Variants in ZNF700 observed in about 807,000 individuals in gnomAD.
The protein encoded by ZNF700 is zinc finger protein 700.
In ZNF700, 38 loss-of-function variants were observed where a neutral mutation model predicts 65.3. The observed-to-expected ratio is 0.58, with a 90% CI of 0.45 to 0.76. ZNF700 has a LOEUF of 0.76. Among genes scored for constraint, ZNF700 ranks in the 30% least tolerant of loss-of-function variants. The probability of loss-of-function intolerance (pLI) is 0.00; values close to 1 mark genes in which losing one functional copy is unlikely to be tolerated. For synonymous variants in ZNF700, 285 were observed against 290.4 expected (o/e 0.98, Z 0.19); for missense variants, 857 against 888.4 (o/e 0.96, Z 0.45).
chr19:11,927,110 T>C (rs1041432196), intron 1 of ZNF700, among the ~76,000 whole-genome samples: 17 of 152,270 alleles, frequency 1.1e-4, no homozygotes, highest in Middle Eastern at 6.8e-3. Flanking sequence ...CCAAGCACTT[T>C]GGGAGGCCAA....
chr19:11,946,572 T>C (rs1349847190), intron 1 of ZNF700, among the ~76,000 whole-genome samples: 1 of 152,184 alleles, frequency 6.6e-6, no homozygotes, highest in Non-Finnish European at 1.5e-5. Flanking sequence ...GGAACTTGTC[T>C]GGATACCCTG....
At chr19:11,941,929 T>C (rs1972891615) in intron 1 of ZNF700, among the ~76,000 whole-genome samples, 2 of 152,192 alleles carry the variant, frequency 1.3e-5, no homozygotes, top group South Asian at 2.1e-4. Flanking sequence ...GCTGCATTGC[T>C]CATTACTGCC....
chr19:11,946,024 A>AG (rs1972953815), intron 1 of ZNF700, among the ~76,000 whole-genome samples: 1 of 152,154 alleles, frequency 6.6e-6, no homozygotes, highest in Non-Finnish European at 1.5e-5. Flanking sequence ...AGTATCGACA[A>AG]GAAACTCTAT....
chr19:11,937,022 C>G (rs571912888), intron 1 of ZNF700, among the ~76,000 whole-genome samples: 37 of 152,232 alleles, frequency 2.4e-4, no homozygotes, highest in Admixed American at 1.3e-4. Context: ...ATTTCTGAGG[C>G]CTCTGTTATG....
At chr19:11,925,418 C>A (rs1171266712) in intron 1 of ZNF700, 145 bp downstream of exon 1, 8 of 1,345,778 alleles carry the variant, frequency 5.9e-6, no homozygotes, top group Non-Finnish European at 3.0e-6. Flanking sequence ...GCCCTCGGTC[C>A]CCTTGGCCGC....
At position 11,949,840 on chromosome 19, in the gene ZNF700, A is replaced by C. The variant is rs751591579; in HGVS notation, c.1816A>C (p.Asn606His). 3.7e-6 allele frequency: 6 copies of C among 1,601,592 alleles called. No homozygotes were observed. The highest frequency in any genetic ancestry group is 1.4e-5 in the African/African-American group (1 of 70,358). Residue 606 changes from asparagine (N) to histidine (H), a missense_variant, in exon 4 of 4, where the codon AAC becomes CAC. Around this residue, in one of 3 missense-constraint regions of ZNF700, gnomAD observed 251 missense variants for 250.3 expected, o/e 1.00. Coordinates refer to ENST00000254321, the MANE Select transcript of ZNF700 (RefSeq NM_144566.3). ...TGGGAAAGCCTTCAGTTGTGCCTCA[A>C]ACCTTCGAAAGCATGGTAGGACTCA... ...QCGKAFSCASNLRKHGRTHTG... is the reference protein window; with the variant it reads ...QCGKAFSCASHLRKHGRTHTG...
Position 11,949,983 on chromosome 19 carries a change from C to T in ZNF700, c.1959C>T (p.Cys653=), listed in dbSNP as rs774079698. Residue 653 remains cysteine (C), a synonymous_variant, in exon 4 of 4, where the codon TGC becomes TGT. Coordinates refer to ENST00000254321, the MANE Select transcript of ZNF700 (RefSeq NM_144566.3). ...TGEKPYECKE[C]EKAFCKFSSF... is the part of the protein sequence containing the mutation. ...AGAAACCCTATGAATGTAAGGAATG[C>T]GAAAAAGCATTCTGTAAATTCTCTT... 1.9e-5 allele frequency: 31 copies of T among 1,613,130 alleles called. No homozygotes were observed. Among genetic ancestry groups the T allele is most frequent in the Admixed American group, 8.4e-5 (5 of 59,846 alleles).
intron 1 of ZNF700, among the ~76,000 whole-genome samples, chr19:11,932,757 C>T (rs1408875418): frequency 6.8e-6 from 1 of 146,376 alleles, no homozygotes; most frequent in Admixed American, 6.7e-5. Flanking sequence ...CCTGTCTCAG[C>T]CTCCCAAGTA....
intron 1 of ZNF700, among the ~76,000 whole-genome samples, chr19:11,943,957 G>A (rs1972922155): frequency 6.6e-6 from 1 of 151,984 alleles, no homozygotes; most frequent in Admixed American, 6.6e-5. Flanking sequence ...TGCCTCCCAG[G>A]AGCTGCAGGT....
rs141059415 is a variant in ZNF700, at chr19:11,946,465, T to C, written c.64-716T>C. ...TTGGCGGGTGGGGAGAGATCCCTCATTGGCTATCTGTCCCTTTGCCACTAA... is the reference window on the plus strand; with the variant it reads ...TTGGCGGGTGGGGAGAGATCCCTCACTGGCTATCTGTCCCTTTGCCACTAA... On this transcript the variant is annotated intron_variant, in intron 1 of 3. Transcript: ENST00000254321. 6.5e-3 allele frequency among the ~76,000 whole-genome samples: 994 copies of C among 152,276 alleles called. 6 individuals are homozygous for C. Among genetic ancestry groups the C allele is most frequent in the Non-Finnish European group, 0.011 (742 of 68,008 alleles).
chr19:11,928,409 A>C (rs551502068), intron 1 of ZNF700, among the ~76,000 whole-genome samples: 2 of 152,164 alleles, frequency 1.3e-5, no homozygotes, highest in African/African-American at 4.8e-5. Context: ...TCTGAAGACA[A>C]TCTGATAGCC....
rs752681668 is a variant in ZNF700, at chr19:11,948,578, A to G, written c.554A>G (p.Glu185Gly). ...TATCGCCCATCCATTAGAACACAAG[A>G]AAGGGATCACACTGGAGAGAAACCC... is the stretch of plus-strand genomic sequence containing the variant. ...FRYRPSIRTQ[E>G]RDHTGEKPYA... The change falls in exon 4 of 4, where the codon GAA becomes GGA. Residue 185 changes from glutamate to glycine, a missense_variant. Transcript: ENST00000254321. 1 of 1,606,266 alleles carries G rather than the reference A, an allele frequency of 6.2e-7. No individual in the cohort carries two copies. Among genetic ancestry groups the G allele is most frequent in the Non-Finnish European group, 8.5e-7 (1 of 1,178,338 alleles).
chr19:11,941,157 G>A (rs1340030214), intron 1 of ZNF700, among the ~76,000 whole-genome samples: 1 of 152,228 alleles, frequency 6.6e-6, no homozygotes, highest in Non-Finnish European at 1.5e-5. Context: ...AGTGCCGATT[G>A]GTGCATTTAC....
chr19:11,934,771 C>T (rs539473567), intron 1 of ZNF700, among the ~76,000 whole-genome samples: 1 of 148,204 alleles, frequency 6.7e-6, no homozygotes, highest in East Asian at 2.0e-4. Flanking sequence ...AGGTCATCCA[C>T]CTGCCTCGGC....
chr19:11,949,840 A>T lies in ZNF700; in HGVS notation c.1816A>T (p.Asn606Tyr), dbSNP rs751591579. The T allele has an allele frequency of 6.2e-6, 10 of 1,601,592 alleles. No individual in the cohort carries two copies. The East Asian group carries it at 1.8e-4, about 29-fold the overall frequency. The change falls in exon 4 of 4, where the codon AAC becomes TAC. Residue 606 changes from asparagine (N) to tyrosine (Y), a missense_variant. By Grantham distance (143) the Asn-to-Tyr change is moderately radical. Around this residue, in one of 3 missense-constraint regions of ZNF700, gnomAD observed 251 missense variants for 250.3 expected, o/e 1.00. Transcript: ENST00000254321. Reference sequence around the variant, plus strand: ...TGGGAAAGCCTTCAGTTGTGCCTCAAACCTTCGAAAGCATGGTAGGACTCA... The same window carrying T: ...TGGGAAAGCCTTCAGTTGTGCCTCATACCTTCGAAAGCATGGTAGGACTCA... ...QCGKAFSCAS[N>Y]LRKHGRTHTG...
chr19:11,936,864 G>GT (rs1424410365), intron 1 of ZNF700, among the ~76,000 whole-genome samples: 1 of 152,136 alleles, frequency 6.6e-6, no homozygotes, highest in Non-Finnish European at 1.5e-5. Flanking sequence ...TAATTTTTGT[G>GT]TAAGGTGTAA....
chr19:11,926,174 T>G (rs146654891), intron 1 of ZNF700, among the ~76,000 whole-genome samples: 16 of 152,346 alleles, frequency 1.1e-4, no homozygotes, highest in Non-Finnish European at 5.9e-5. Context: ...GGCGTGACTT[T>G]ACTTTTGCCT....
intron 1 of ZNF700, among the ~76,000 whole-genome samples, chr19:11,941,477 G>A (rs538150920): frequency 5.3e-5 from 8 of 152,324 alleles, no homozygotes; most frequent in East Asian, 1.9e-4. Flanking sequence ...GAAATCGAGC[G>A]CAGCACCGGT....
At position 11,949,902 on chromosome 19, in the gene ZNF700, G is replaced by A. The variant is rs569120742; in HGVS notation, c.1878G>A (p.Gly626=). 97 of 1,613,860 alleles carry A rather than the reference G, an allele frequency of 6.0e-5. No homozygotes were observed. The East Asian group carries it at 2.1e-3, about 36-fold the overall frequency. The change falls in exon 4 of 4, where the codon GGG becomes GGA. Residue 626 remains glycine, a synonymous_variant. Transcript: ENST00000254321. ...GEKPYECKQC[G]KAFRSASNLQ... ...AACCCTATGAGTGTAAGCAATGTGG[G>A]AAAGCCTTCAGATCTGCCTCAAACC... is the stretch of plus-strand genomic sequence containing the variant.
Sources: gnomAD v4.1 joint callset for allele counts (sites outside exome capture counted in the v4.1 genomes callset) on GRCh38, gnomAD v4.1.1 for gene constraint, gnomAD v4.1.1 regional missense constraint, MANE v1.5 for transcripts, NCBI Gene and HGNC (gene_info 2026-07-23, HGNC 2026-07-21) for gene names.